The following ADGB variants were observed in gnomAD, a reference collection of about 807,000 sequenced individuals.
ADGB encodes calpain-7-like protein.
ADGB carries 172 observed loss-of-function variants against 210.5 expected under a neutral mutation model. The observed-to-expected ratio is 0.82, with a 90% CI of 0.72 to 0.93. The LOEUF (loss-of-function observed/expected upper bound fraction) is 0.93. ADGB is among the 40% of genes least tolerant of loss of function. The pLI is 0.00. For missense variants in ADGB, 2,025 were observed against 1,964.8 expected, an observed-to-expected ratio of 1.03 and a Z score of -0.58; for synonymous variants, 658 against 662.7, an observed-to-expected ratio of 0.99 and a Z score of 0.11.
chr6:146,783,268 AT>A (rs1777827411), intron 30 of ADGB, among the ~76,000 whole-genome samples: 1 of 152,164 alleles, frequency 6.6e-6, no homozygotes, highest in African/African-American at 2.4e-5. Context: ...TGTCAGTACC[AT>A]TAAGAAAATA....
At chr6:146,644,016 A>G (rs1775566482) in intron 2 of ADGB, among the ~76,000 whole-genome samples, 1 of 151,914 alleles carries the variant, frequency 6.6e-6, no homozygotes, top group South Asian at 2.1e-4. Flanking sequence ...AATAGAGATC[A>G]GAGAAGTTGT....
rs571389261 is a variant in ADGB at position 146,777,979 on chromosome 6, C to T, written c.3863-4041C>T. On this transcript the variant is annotated intron_variant, in intron 29 of 35. Transcript: ENST00000397944. ...ACCAAAACTGTGAGTTGTTGTGTTACAATAAGCACACCATTAGCAGCCATA... is the reference window on the plus strand; with the variant it reads ...ACCAAAACTGTGAGTTGTTGTGTTATAATAAGCACACCATTAGCAGCCATA... Among the ~76,000 whole-genome samples, 4 of 152,256 alleles carry T rather than the reference C, an allele frequency of 2.6e-5. No homozygotes were observed. In the East Asian group the frequency reaches 5.8e-4, roughly 22 times the overall value.
At position 146,677,602 on chromosome 6, in the gene ADGB, G is replaced by T. The variant is rs141966238; in HGVS notation, c.1216+1161G>T. Among the ~76,000 whole-genome samples the T allele has an allele frequency of 6.5e-4, 99 of 152,174 alleles. 1 individual carries two copies. Among genetic ancestry groups the T allele is most frequent in the African/African-American group, 2.2e-3 (93 of 41,518 alleles). On this transcript the variant is annotated intron_variant, in intron 9 of 35. Coordinates refer to ENST00000397944, the MANE Select transcript of ADGB (RefSeq NM_024694.4). ...CATTACATTAGCAGATTTACTGATG[G>T]TTCTTCATCTTTGTGAAAATGGCTA...
chr6:146,804,834 T>C (rs1216232856), intron 35 of ADGB, among the ~76,000 whole-genome samples: 1 of 152,188 alleles, frequency 6.6e-6, no homozygotes, highest in Non-Finnish European at 1.5e-5. Context: ...CCTAACATAG[T>C]GTTTGGCAGA....
intron 29 of ADGB, among the ~76,000 whole-genome samples, chr6:146,780,205 C>T (rs1777779143): frequency 6.6e-6 from 1 of 151,720 alleles, no homozygotes; most frequent in Non-Finnish European, 1.5e-5. Context: ...AATCCCCAAG[C>T]AACCACTAAG....
intron 17 of ADGB, among the ~76,000 whole-genome samples, chr6:146,722,271 C>T (rs1042065461): frequency 6.6e-6 from 1 of 152,096 alleles, no homozygotes; most frequent in Admixed American, 6.6e-5. Context: ...TCCCCGCTCA[C>T]TGCTTGACTC....
At chr6:146,807,773 T>C (rs1778234313) in intron 35 of ADGB, 1 of 458,890 alleles carries the variant, frequency 2.2e-6, no homozygotes. Flanking sequence ...GAGTTTAAGA[T>C]GCTCTAATTT....
At position 146,767,007 on chromosome 6, in the gene ADGB, A is replaced by G. The variant is rs1011620563; in HGVS notation, c.3751-2013A>G. ...ATTTGACAAAGTTTAACACCTATTTATGGATTTCTAAAATGTGCTCTTAGC... is the reference window on the plus strand; with the variant it reads ...ATTTGACAAAGTTTAACACCTATTTGTGGATTTCTAAAATGTGCTCTTAGC... On this transcript the variant is annotated intron_variant, in intron 28 of 35. Coordinates refer to ENST00000397944, the MANE Select transcript of ADGB (RefSeq NM_024694.4). Among the ~76,000 whole-genome samples, 3 of 152,194 alleles carry G rather than the reference A, an allele frequency of 2.0e-5. No individual in the cohort carries two copies. The East Asian group carries it at 5.8e-4, about 29-fold the overall frequency.
intron 1 of ADGB, among the ~76,000 whole-genome samples, chr6:146,607,701 T>G (rs1286817613): frequency 3.3e-5 from 5 of 152,196 alleles, no homozygotes; most frequent in Non-Finnish European, 7.3e-5. Flanking sequence ...GTTTATTGAT[T>G]TGCTTTTGTT....
At position 146,627,787 on chromosome 6, in the gene ADGB, C is replaced by T. The variant is rs533820164; in HGVS notation, c.75-7588C>T. Among the ~76,000 whole-genome samples, 19 of 152,154 alleles carry T rather than the reference C, an allele frequency of 1.2e-4. 1 individual carries two copies. The highest frequency in any genetic ancestry group is 4.3e-4 in the African/African-American group (18 of 41,516). On this transcript the variant is annotated intron_variant, in intron 1 of 35. Transcript: ENST00000397944. Reference sequence around the variant, plus strand: ...TTAGGATCCTGTCCTTGAAAGTATACCTTGCTGTCCCCCAAACACTCATCT... The same window carrying T: ...TTAGGATCCTGTCCTTGAAAGTATATCTTGCTGTCCCCCAAACACTCATCT...
intron 23 of ADGB, among the ~76,000 whole-genome samples, chr6:146,740,192 C>T (rs1162580897): frequency 6.6e-6 from 1 of 152,058 alleles, no homozygotes; most frequent in African/African-American, 2.4e-5. Context: ...AACTTTACTC[C>T]CTCAATCATG....
chr6:146,692,966 G>A, intron 12 of ADGB, 51 bp downstream of exon 12: 1 of 1,055,276 alleles, frequency 9.5e-7, no homozygotes, highest in Non-Finnish European at 1.4e-6. Flanking sequence ...TAAATACTTT[G>A]TGATGTGTCT....
rs139914805 is a variant in ADGB at position 146,792,262 on chromosome 6, G to T, written c.4537+3652G>T. Among the ~76,000 whole-genome samples the T allele has an allele frequency of 2.1e-3, 313 of 152,288 alleles. 1 individual carries two copies. The highest frequency in any genetic ancestry group is 7.1e-3 in the African/African-American group (297 of 41,554). ...CTTTTTGTCTACTTCTCTGAAGAAC[G>T]ACATTAGAATTTTGGTAGGGATTGT... On this transcript the variant is annotated intron_variant, in intron 33 of 35. Coordinates refer to ENST00000397944, the MANE Select transcript of ADGB (RefSeq NM_024694.4).
intron 9 of ADGB, 91 bp downstream of exon 9, chr6:146,676,532 T>C (rs1294849066): frequency 8.8e-7 from 1 of 1,140,480 alleles, no homozygotes; most frequent in African/African-American, 1.6e-5. Flanking sequence ...TTTTTTCTTT[T>C]GAAATAACTA....
rs1371760238 is a variant in ADGB at position 146,728,559 on chromosome 6, G to T, written c.2353-15G>T. On this transcript the variant is annotated splice_polypyrimidine_tract_variant and intron_variant, in intron 19 of 35. Transcript: ENST00000397944. ...AAGGATGAGTGAGGATGGCTGCCAT[G>T]CTTTGTCTTCACAGGAGAGCTGCCG... is the stretch of plus-strand genomic sequence containing the variant. The T allele has an allele frequency of 3.2e-6, 5 of 1,548,664 alleles. No individual in the cohort carries two copies. The highest frequency in any genetic ancestry group is 4.4e-6 in the Non-Finnish European group (5 of 1,144,806).
At chr6:146,779,477 C>T (rs77865841) in intron 29 of ADGB, among the ~76,000 whole-genome samples, 2,407 of 152,256 alleles carry the variant, frequency 0.016, 47 homozygotes, top group African/African-American at 0.054. Flanking sequence ...AGAAGTTAAA[C>T]TCCACATGGG....
At chr6:146,706,314 C>G (rs1288261073) in intron 13 of ADGB, among the ~76,000 whole-genome samples, 1 of 150,700 alleles carries the variant, frequency 6.6e-6, no homozygotes, top group African/African-American at 2.4e-5. Flanking sequence ...GGCTGGAGTG[C>G]AGTGGCACAA....
chr6:146,747,062 T>G (rs1777250529), intron 26 of ADGB, among the ~76,000 whole-genome samples: 1 of 152,154 alleles, frequency 6.6e-6, no homozygotes, highest in African/African-American at 2.4e-5. Context: ...CATATCAAAT[T>G]TTATCTAGTT....
chr6:146,777,725 C>T (rs1777740367), intron 29 of ADGB, among the ~76,000 whole-genome samples: 1 of 152,188 alleles, frequency 6.6e-6, no homozygotes. Flanking sequence ...GCATTCTTCC[C>T]TTCAGCCCAT....
Sources: allele counts gnomAD v4.1 joint callset (sites outside exome capture counted in the v4.1 genomes callset), GRCh38; gene constraint gnomAD v4.1.1; transcripts MANE v1.5; gene names NCBI Gene and HGNC (gene_info 2026-07-23, HGNC 2026-07-21).